The following BCAP29 variants were observed in gnomAD, a reference collection of about 807,000 sequenced individuals.
The protein encoded by BCAP29 is B-cell receptor-associated protein 29.
Under a neutral mutation model 31.8 loss-of-function variants are expected in BCAP29, and 34 were observed. The ratio of observed to expected loss-of-function variants is 1.07; its 90% CI spans 0.81 to 1.42. The LOEUF (loss-of-function observed/expected upper bound fraction) is 1.42, where lower values mean the gene tolerates loss of function less well. BCAP29 is among the 40% of genes most tolerant of loss of function. BCAP29 has a pLI of 0.00. For missense variants in BCAP29, 314 were observed against 269.2 expected (o/e 1.17, Z -1.16); for synonymous variants, 104 against 91.3 (o/e 1.14, Z -0.79).
At chr7:107,615,607 A>AT (rs1813986699) in intron 7 of BCAP29, 2 of 239,400 alleles carry the variant, frequency 8.4e-6, no homozygotes, top group African/African-American at 2.2e-5. Context: ...GAAAAAAAAA[A>AT]AGTGATTCCT....
downstream of BCAP29, chr7:107,622,194 A>C (rs984325639): frequency 4.8e-6 from 1 of 206,606 alleles, no homozygotes; most frequent in Non-Finnish European, 9.9e-6. Flanking sequence ...TCTCATATAC[A>C]TGCTCTCAGC....
intron 7 of BCAP29, among the ~76,000 whole-genome samples, chr7:107,617,076 G>T (rs565987727): frequency 6.6e-6 from 1 of 152,040 alleles, no homozygotes; most frequent in Non-Finnish European, 1.5e-5. Context: ...TTTAATGTTC[G>T]TCTGAGCCCT....
At chr7:107,590,857 T>G (rs535094609) in intron 3 of BCAP29, among the ~76,000 whole-genome samples, 49 of 140,372 alleles carry the variant, frequency 3.5e-4, no homozygotes, top group South Asian at 6.8e-4. Context: ...AAGAAAGAAA[T>G]AATCCTAAAG....
intron 6 of BCAP29, among the ~76,000 whole-genome samples, chr7:107,609,423 T>G (rs1399780303): frequency 1.3e-5 from 2 of 152,168 alleles, no homozygotes; most frequent in Non-Finnish European, 2.9e-5. Context: ...AGAAATCCAC[T>G]TAATAATCTA....
Position 107,602,562 on chromosome 7 carries a change from AT to A in BCAP29, c.589+2068del, listed in dbSNP as rs199500746. On this transcript the variant is annotated intron_variant, in intron 6 of 7. Transcript: ENST00000005259. ...TTGAAAATTGAGTTAAAAAAAAGCA[AT>A]TTTTTTTTTTAGAGGAAAATAGGGT... is the stretch of plus-strand genomic sequence containing the variant. Among the ~76,000 whole-genome samples, 1,372 of 148,356 alleles carry A rather than the reference AT, an allele frequency of 9.2e-3. 27 individuals are homozygous for A. The highest frequency in any genetic ancestry group is 0.075 in the East Asian group (383 of 5,114).
intron 6 of BCAP29, among the ~76,000 whole-genome samples, chr7:107,604,076 A>G (rs1811651885): frequency 6.6e-6 from 1 of 152,174 alleles, no homozygotes; most frequent in Non-Finnish European, 1.5e-5. Context: ...AAGACCTATT[A>G]TGGGTACCTA....
chr7:107,589,901 T>C (rs1354381358), intron 3 of BCAP29, among the ~76,000 whole-genome samples: 3 of 152,172 alleles, frequency 2.0e-5, no homozygotes, highest in Non-Finnish European at 4.4e-5. Context: ...TGATCCTTCC[T>C]GTTCCCAAAA....
chr7:107,592,612 C>T (rs752266219), intron 3 of BCAP29, among the ~76,000 whole-genome samples: 7 of 152,126 alleles, frequency 4.6e-5, no homozygotes, highest in Non-Finnish European at 7.4e-5. Flanking sequence ...AAGCACATGT[C>T]GATATAAAAC....
chr7:107,603,596 C>G (rs1471546503), intron 6 of BCAP29: 1 of 143,814 alleles, frequency 7.0e-6, no homozygotes, highest in Non-Finnish European at 1.5e-5. Flanking sequence ...TTCTTTGTTT[C>G]ATCAGCAATT....
chr7:107,589,574 T>G (rs1808342960), intron 3 of BCAP29, among the ~76,000 whole-genome samples: 1 of 152,214 alleles, frequency 6.6e-6, no homozygotes, highest in Non-Finnish European at 1.5e-5. Context: ...CAGATGAAGC[T>G]TTGCTCACTG....
intron 6 of BCAP29, among the ~76,000 whole-genome samples, chr7:107,603,864 A>G (rs968673155): frequency 6.6e-6 from 1 of 151,870 alleles, no homozygotes; most frequent in African/African-American, 2.4e-5. Flanking sequence ...TCAGCCTCCA[A>G]AAACGCTGGG....
intron 6 of BCAP29, among the ~76,000 whole-genome samples, chr7:107,607,730 A>AG (rs1812378457): frequency 6.9e-6 from 1 of 144,690 alleles, no homozygotes; most frequent in Admixed American, 7.2e-5. Flanking sequence ...TCCGCCCCCC[A>AG]GGTCCCGGTT....
At chr7:107,591,311 C>G (rs1808714430) in intron 3 of BCAP29, among the ~76,000 whole-genome samples, 1 of 152,094 alleles carries the variant, frequency 6.6e-6, no homozygotes, top group Non-Finnish European at 1.5e-5. Context: ...AAAATCTTTA[C>G]AAATAACAAA....
In BCAP29 at chr7:107,580,828, T is replaced by C. The variant is rs1806492738; in HGVS notation, c.56T>C (p.Ile19Thr). 6.3e-7 allele frequency: 1 copy of C among 1,590,114 alleles called. No homozygotes were observed. Among genetic ancestry groups the C allele is most frequent in the Admixed American group, 1.8e-5 (1 of 55,812 alleles). Residue 19 changes from isoleucine (I) to threonine (T), a missense_variant, in exon 2 of 8, where the codon ATT becomes ACT. Physicochemically the swap from Ile to Thr is moderately conservative, Grantham distance 89. Coordinates refer to ENST00000005259, the MANE Select transcript of BCAP29 (RefSeq NM_018844.4). The stretch of plus-strand genomic sequence containing the variant: ...TTTCTTTATGCCGAAATAGGACTCA[T>C]TTTAATCTTCTGCCTACCTTTTATT... Reference protein sequence around the residue: ...ATFLYAEIGLILIFCLPFIPP... With the variant: ...ATFLYAEIGLTLIFCLPFIPP...
chr7:107,586,241 G>A (rs1398211887), intron 3 of BCAP29, among the ~76,000 whole-genome samples: 1 of 152,106 alleles, frequency 6.6e-6, no homozygotes, highest in Non-Finnish European at 1.5e-5. Flanking sequence ...CAGCTGCCAG[G>A]TGTGGTACCC....
At chr7:107,606,349 C>T (rs1812090735) in intron 6 of BCAP29, among the ~76,000 whole-genome samples, 1 of 152,140 alleles carries the variant, frequency 6.6e-6, no homozygotes, top group Admixed American at 6.5e-5. Flanking sequence ...AACTGACTAT[C>T]AAGAATTATT....
chr7:107,608,121 T>C (rs1284547559), intron 6 of BCAP29, among the ~76,000 whole-genome samples: 2 of 152,116 alleles, frequency 1.3e-5, no homozygotes, highest in Non-Finnish European at 2.9e-5. Flanking sequence ...TTCCCTCCTT[T>C]TTCCATACCG....
At position 107,612,422 on chromosome 7, in the gene BCAP29, TATA is replaced by T. The variant is rs1563141398; in HGVS notation, c.590-909_590-907del. Among the ~76,000 whole-genome samples the T allele has an allele frequency of 3.7e-3, 167 of 45,438 alleles. 9 individuals carry two copies. The highest frequency in any genetic ancestry group is 7.4e-3 in the African/African-American group (154 of 20,838). 29.8% of individuals were successfully genotyped at this position (45,438 alleles called of 152,430 possible). ...ATATATATATATATATATATATATA[TATA>T]TATATATATATATATTTATTTTACT... On this transcript the variant is annotated intron_variant, in intron 6 of 7. Coordinates refer to ENST00000005259, the MANE Select transcript of BCAP29 (RefSeq NM_018844.4).
At chr7:107,603,146 A>G (rs1811475398) in intron 6 of BCAP29, among the ~76,000 whole-genome samples, 1 of 150,994 alleles carries the variant, frequency 6.6e-6, no homozygotes, top group Non-Finnish European at 1.5e-5. Flanking sequence ...ATTTTTTTGT[A>G]TTTTTAGTAG....
Sources: allele counts gnomAD v4.1 joint callset (sites outside exome capture counted in the v4.1 genomes callset), GRCh38; gene constraint gnomAD v4.1.1; transcripts MANE v1.5; gene names NCBI Gene and HGNC (gene_info 2026-07-23, HGNC 2026-07-21).